The following LY96 variants were observed in gnomAD, a reference collection of about 807,000 sequenced individuals.
The protein encoded by LY96 is myeloid differentiation protein-2.
A neutral mutation model predicts 18.9 loss-of-function variants in LY96; 18 were observed. The observed-to-expected ratio is 0.95, with a 90% confidence interval of 0.66 to 1.41. LY96 has a LOEUF of 1.41. Ranked by LOEUF, LY96 falls within the 40% of genes most tolerant of loss-of-function variation. The pLI, the probability that LY96 is intolerant of heterozygous loss-of-function variation, is 0.00. For synonymous variants in LY96, 66 were observed against 62.6 expected, an observed-to-expected ratio of 1.06 and a Z score of -0.26; for missense variants, 175 against 182.4, an observed-to-expected ratio of 0.96 and a Z score of 0.23.
the LY96 span, among the ~76,000 whole-genome samples, chr8:74,042,188 G>A: frequency 6.6e-6 from 1 of 152,280 alleles, no homozygotes; most frequent in Admixed American, 6.5e-5. Context: ...ACAAAGGCAT[G>A]CATGCATTAC....
In LY96 at chr8:73,996,372, C is replaced by CCTTCCTTCATTTCTTTCTTTCTTTCTTT. The variant is rs1816135382; in HGVS notation, c.112+4821_112+4822insCCTTCATTTCTTTCTTTCTTTCTTTCTT. On this transcript the variant is annotated intron_variant, in intron 1 of 4. Transcript: ENST00000284818. The stretch of plus-strand genomic sequence containing the variant: ...TCCTTCCTTCCTTCCTTCCTTCATT[C>CCTTCCTTCATTTCTTTCTTTCTTTCTTT]CTTTCTTTCTTTCTTTCTTTCTTTC... Among the ~76,000 whole-genome samples the CCTTCCTTCATTTCTTTCTTTCTTTCTTT allele has an allele frequency of 8.7e-4, 97 of 111,004 alleles. 2 individuals carry two copies. Among genetic ancestry groups the CCTTCCTTCATTTCTTTCTTTCTTTCTTT allele is most frequent in the East Asian group, 2.5e-3 (8 of 3,154 alleles). The allele number at this position is 111,004 out of a possible 152,430, so 72.8% of individuals were successfully genotyped here.
At chr8:74,055,903 G>A in the LY96 span, 3 of 152,598 alleles carry the variant, frequency 2.0e-5, no homozygotes, top group African/African-American at 4.8e-5. Flanking sequence ...GCAAGAATAA[G>A]TGCTTTACAA....
the LY96 span, among the ~76,000 whole-genome samples, chr8:74,098,559 T>C: frequency 6.6e-6 from 1 of 152,122 alleles, no homozygotes; most frequent in South Asian, 2.1e-4. Flanking sequence ...GTATTTTTAG[T>C]AGAGACTGCC....
chr8:74,028,838 C>A, intron 4 of LY96, 118 bp from the exon 5 acceptor site: 1 of 609,732 alleles, frequency 1.6e-6, no homozygotes, highest in Non-Finnish European at 2.8e-6. Context: ...CATTGGAAAA[C>A]TATAAAATCA....
At chr8:74,096,485 A>C in the LY96 span, among the ~76,000 whole-genome samples, 2 of 152,128 alleles carry the variant, frequency 1.3e-5, no homozygotes, top group African/African-American at 4.8e-5. Context: ...GAACTCCCTC[A>C]CTTAAAATCT....
chr8:74,056,431 GCAC>G, the LY96 span: 2 of 209,914 alleles, frequency 9.5e-6, no homozygotes, highest in Admixed American at 6.1e-5. Flanking sequence ...ATTTTAGACA[GCAC>G]TAGAAAGACA....
the LY96 span, among the ~76,000 whole-genome samples, chr8:74,047,531 TAA>T: frequency 6.6e-6 from 1 of 152,204 alleles, no homozygotes; most frequent in Non-Finnish European, 1.5e-5. Flanking sequence ...CCCAGTAATA[TAA>T]TCCTTGTGCA....
In LY96 at chr8:74,026,841, G is replaced by A. The variant is rs1816881925; in HGVS notation, c.384G>A (p.Lys128=). 1 of 1,474,988 alleles carries A rather than the reference G, an allele frequency of 6.8e-7. No homozygotes were observed. The highest frequency in any genetic ancestry group is 1.1e-5 in the South Asian group (1 of 87,704). 91.4% of individuals were successfully genotyped at this position (1,474,988 alleles called of 1,614,324 possible). ...CCTTCAAGGGAATAAAATTTTCTAA[G>A]GTATTGTTCAAGATTTATTTTGTAC... The part of the protein sequence containing the change: ...SFSFKGIKFS[K]GKYKCVVEAI... Residue 128 remains lysine, a splice_region_variant and synonymous_variant, in exon 4 of 5, where the codon AAG becomes AAA. Transcript: ENST00000284818.
At chr8:74,098,256 G>A in the LY96 span, among the ~76,000 whole-genome samples, 7 of 152,084 alleles carry the variant, frequency 4.6e-5, no homozygotes, top group South Asian at 1.0e-3. Flanking sequence ...GATTTCTTTT[G>A]GAAACTGTAT....
chr8:74,002,058 CCTTCCTTCCTTCCTTCCTTT>C lies in LY96; in HGVS notation c.113-2734_113-2715del, dbSNP rs1341349434. ...TCCTTCCTTCCTTCCTTCCTTCCTT[CCTTCCTTCCTTCCTTCCTTT>C]CTTTCTTTCTTTCTTTCTCTCTCTC... On this transcript the variant is annotated intron_variant, in intron 1 of 4. Coordinates refer to ENST00000284818, the MANE Select transcript of LY96 (RefSeq NM_015364.5). Among the ~76,000 whole-genome samples the C allele has an allele frequency of 2.5e-3, 80 of 31,644 alleles. 12 individuals are homozygous for C. The highest frequency in any genetic ancestry group is 9.5e-3 in the African/African-American group (50 of 5,278). The allele number at this position is 31,644 out of a possible 152,430, so 20.8% of individuals were successfully genotyped here.
At chr8:74,018,773 T>A (rs1816697183) in intron 3 of LY96, among the ~76,000 whole-genome samples, 1 of 152,154 alleles carries the variant, frequency 6.6e-6, no homozygotes, top group Admixed American at 6.5e-5. Flanking sequence ...AGAAACTCAC[T>A]AAAAACTACA....
At chr8:74,050,204 C>T in the LY96 span, among the ~76,000 whole-genome samples, 1 of 151,576 alleles carries the variant, frequency 6.6e-6, no homozygotes, top group African/African-American at 2.4e-5. Context: ...TTAGGTGGGC[C>T]TGGTGATGGG....
chr8:74,020,729 C>A (rs1459744934), intron 3 of LY96, among the ~76,000 whole-genome samples: 3 of 152,056 alleles, frequency 2.0e-5, no homozygotes, highest in Non-Finnish European at 4.4e-5. Context: ...GAGATATAGA[C>A]CAATGGAATA....
chr8:74,082,530 T>C, the LY96 span, among the ~76,000 whole-genome samples: 4 of 152,218 alleles, frequency 2.6e-5, no homozygotes, highest in Admixed American at 6.5e-5. Context: ...TATTATTGTA[T>C]TGTTATTTAA....
chr8:74,068,733 T>C, the LY96 span, among the ~76,000 whole-genome samples: 1 of 152,234 alleles, frequency 6.6e-6, no homozygotes, highest in East Asian at 1.9e-4. Flanking sequence ...TGCAATATCT[T>C]CTCTTATGAA....
the LY96 span, among the ~76,000 whole-genome samples, chr8:74,069,065 T>G: frequency 0.025 from 3,737 of 152,216 alleles, 164 homozygotes; most frequent in African/African-American, 0.084. Flanking sequence ...GGATTACAGG[T>G]GTGAGCCATT....
chr8:74,006,223 CTCTG>C (rs773558461), intron 2 of LY96, among the ~76,000 whole-genome samples: 23 of 152,040 alleles, frequency 1.5e-4, no homozygotes, highest in Non-Finnish European at 3.2e-4. Flanking sequence ...GAGATGGAGT[CTCTG>C]TCTGTTGCCC....
At chr8:74,072,020 C>T in the LY96 span, among the ~76,000 whole-genome samples, 2 of 152,034 alleles carry the variant, frequency 1.3e-5, no homozygotes, top group Non-Finnish European at 2.9e-5. Context: ...CAAGCACAAA[C>T]ATTTTTGGAG....
the LY96 span, among the ~76,000 whole-genome samples, chr8:74,085,713 C>CT: frequency 6.6e-6 from 1 of 152,080 alleles, no homozygotes; most frequent in Non-Finnish European, 1.5e-5. Context: ...TCTCCTGGAT[C>CT]TTTTTTTAAA....
Sources: gnomAD v4.1 joint callset for allele counts (sites outside exome capture counted in the v4.1 genomes callset) on GRCh38, gnomAD v4.1.1 for gene constraint, MANE v1.5 for transcripts, NCBI Gene and HGNC (gene_info 2026-07-23, HGNC 2026-07-21) for gene names.